The following TTC28 variants were observed in gnomAD, a reference collection of about 807,000 sequenced individuals.
The protein encoded by TTC28 is tetratricopeptide repeat protein 28.
TTC28 carries 61 observed loss-of-function variants against 198.0 expected under a neutral mutation model. The ratio of observed to expected loss-of-function variants is 0.31; its 90% CI spans 0.25 to 0.38. TTC28 has a LOEUF of 0.38. Ranked by LOEUF, TTC28 falls within the 10% of genes least tolerant of loss-of-function variation. TTC28 has a pLI of 1.00. For missense variants in TTC28, 2,678 were observed against 3,164.0 expected, an observed-to-expected ratio of 0.85 and a Z score of 3.69; for synonymous variants, 1,171 against 1,297.8, an observed-to-expected ratio of 0.90 and a Z score of 2.10.
At chr22:28,646,011 C>T (rs1423098488) in intron 1 of TTC28, among the ~76,000 whole-genome samples, 2 of 152,120 alleles carry the variant, frequency 1.3e-5, no homozygotes, top group South Asian at 2.1e-4. Context: ...GGAACTGCAA[C>T]GAGATAATGA....
chr22:28,178,461 C>G (rs1381640636), intron 5 of TTC28, among the ~76,000 whole-genome samples: 1 of 151,678 alleles, frequency 6.6e-6, no homozygotes, highest in Non-Finnish European at 1.5e-5. Flanking sequence ...GAGTGAAACT[C>G]TGTCGAGGGA....
At chr22:28,448,077 A>G (rs982360604) in intron 2 of TTC28, among the ~76,000 whole-genome samples, 2 of 152,188 alleles carry the variant, frequency 1.3e-5, no homozygotes, top group Admixed American at 6.5e-5. Flanking sequence ...AGAGCTACTA[A>G]GCCAGCATAG....
At chr22:28,475,060 G>A (rs185318695) in intron 2 of TTC28, among the ~76,000 whole-genome samples, 10 of 144,080 alleles carry the variant, frequency 6.9e-5, no homozygotes, top group Non-Finnish European at 1.3e-4. Context: ...TGAGGTGGGA[G>A]AATGGCGTGA....
intron 2 of TTC28, among the ~76,000 whole-genome samples, chr22:28,462,836 A>C (rs2047968112): frequency 6.6e-6 from 1 of 152,224 alleles, no homozygotes; most frequent in Admixed American, 6.5e-5. Flanking sequence ...CACTGGGCCC[A>C]AAAATTTTAC....
At chr22:28,453,304 G>A (rs1051275187) in intron 2 of TTC28, among the ~76,000 whole-genome samples, 2 of 152,128 alleles carry the variant, frequency 1.3e-5, no homozygotes, top group South Asian at 4.2e-4. Context: ...TTTCTTGCAT[G>A]AACATATCCA....
At chr22:28,323,419 A>G (rs1160882559) in intron 2 of TTC28, among the ~76,000 whole-genome samples, 2 of 152,230 alleles carry the variant, frequency 1.3e-5, no homozygotes, top group Non-Finnish European at 2.9e-5. Context: ...AATTTAATAA[A>G]GGGATTGAAA....
At chr22:28,485,422 T>C (rs940324624) in intron 2 of TTC28, among the ~76,000 whole-genome samples, 1 of 152,182 alleles carries the variant, frequency 6.6e-6, no homozygotes, top group African/African-American at 2.4e-5. Context: ...TAACATAAGG[T>C]ATTTGCCTAA....
intron 5 of TTC28, among the ~76,000 whole-genome samples, chr22:28,285,042 T>C (rs1298572675): frequency 7.2e-5 from 11 of 152,250 alleles, no homozygotes; most frequent in African/African-American, 2.2e-4. Context: ...GTCTGAACTC[T>C]GTTCACTGCA....
At chr22:28,198,490 C>A (rs1323827748) in intron 5 of TTC28, among the ~76,000 whole-genome samples, 1 of 152,048 alleles carries the variant, frequency 6.6e-6, no homozygotes, top group African/African-American at 2.4e-5. Flanking sequence ...AATTATGGCA[C>A]AACCATGTTA....
rs80265296 is a variant in TTC28 at position 28,542,429 on chromosome 22, T to A, written c.381+87123A>T. ...AGAAAAATTCTAAATTTGATAAACC[T>A]GTAAATCCATATATCCAAAAAGCTC... On this transcript the variant is annotated intron_variant, in intron 2 of 22. Coordinates refer to ENST00000397906, the MANE Select transcript of TTC28 (RefSeq NM_001145418.2). Among the ~76,000 whole-genome samples the A allele has an allele frequency of 7.6e-3, 1,160 of 152,250 alleles. 28 individuals carry two copies. Among genetic ancestry groups the A allele is most frequent in the East Asian group, 0.073 (376 of 5,174 alleles).
At chr22:28,434,733 C>T (rs1441516027) in intron 2 of TTC28, among the ~76,000 whole-genome samples, 1 of 152,202 alleles carries the variant, frequency 6.6e-6, no homozygotes, top group Non-Finnish European at 1.5e-5. Context: ...TCCTTCCCTA[C>T]TCCCCTCTAC....
rs186731191 is a variant in TTC28, at chr22:28,352,335, A to C, written c.382-45692T>G. On this transcript the variant is annotated intron_variant, in intron 2 of 22. Transcript: ENST00000397906. ...TACATATATATATATATATATATAT[A>C]TCTCCCGGTAAGTGCAGATGCTTGC... 1.4e-3 allele frequency among the ~76,000 whole-genome samples: 189 copies of C among 133,886 alleles called. 1 individual carries two copies. In the Middle Eastern group the frequency reaches 0.016, roughly 11 times the overall value. The allele number at this position is 133,886 out of a possible 152,430, so 87.8% of individuals were successfully genotyped here.
intron 12 of TTC28, among the ~76,000 whole-genome samples, chr22:28,052,128 G>A (rs1940111971): frequency 6.6e-6 from 1 of 152,098 alleles, no homozygotes; most frequent in Non-Finnish European, 1.5e-5. Flanking sequence ...AGTTCCCTTG[G>A]GGGTTTTATA....
intron 6 of TTC28, among the ~76,000 whole-genome samples, chr22:28,123,875 C>T (rs1222662418): frequency 3.3e-5 from 5 of 151,826 alleles, no homozygotes; most frequent in African/African-American, 9.7e-5. Context: ...CCCAGCTACT[C>T]GGGAGGCTGA....
In TTC28 at chr22:27,981,872, T is replaced by TCTC; in HGVS notation, c.*346_*348dup. 1 of 232,778 alleles carries TCTC rather than the reference T, an allele frequency of 4.3e-6. No homozygotes were observed. The highest frequency in any genetic ancestry group is 8.9e-5 in the East Asian group (1 of 11,224). 14.4% of individuals were successfully genotyped at this position (232,778 alleles called of 1,614,324 possible). On this transcript the variant is annotated 3_prime_UTR_variant, in exon 23 of 23. Coordinates refer to ENST00000397906, the MANE Select transcript of TTC28 (RefSeq NM_001145418.2). Reference sequence around the variant, plus strand: ...TTAGCAAAATATGTGCTCCCTTTCCTCTCCCCACCCCAGAACCATGATCAT... The same window carrying TCTC: ...TTAGCAAAATATGTGCTCCCTTTCCTCTCCTCCCCACCCCAGAACCATGATCAT...
chr22:28,281,610 A>C (rs1242422847), intron 5 of TTC28, among the ~76,000 whole-genome samples: 11 of 152,182 alleles, frequency 7.2e-5, no homozygotes. Context: ...AGCATGAGTT[A>C]TATTTTCCTG....
chr22:28,159,163 A>T (rs981491184), intron 6 of TTC28, among the ~76,000 whole-genome samples: 2 of 152,188 alleles, frequency 1.3e-5, no homozygotes, highest in African/African-American at 4.8e-5. Flanking sequence ...ATAAGATCTG[A>T]TCACCACAGA....
chr22:28,249,056 C>T (rs1930327180), intron 5 of TTC28, among the ~76,000 whole-genome samples: 1 of 152,032 alleles, frequency 6.6e-6, no homozygotes, highest in South Asian at 2.1e-4. Context: ...TTTATATACC[C>T]TAATAATAAT....
At chr22:28,136,546 T>C (rs1315131728) in intron 6 of TTC28, among the ~76,000 whole-genome samples, 1 of 152,220 alleles carries the variant, frequency 6.6e-6, no homozygotes, top group Non-Finnish European at 1.5e-5. Flanking sequence ...TCCTCTTCTC[T>C]AAAGCTGAAC....
Sources: gnomAD v4.1 joint callset for allele counts (sites outside exome capture counted in the v4.1 genomes callset) on GRCh38, gnomAD v4.1.1 for gene constraint, MANE v1.5 for transcripts, NCBI Gene and HGNC (gene_info 2026-07-23, HGNC 2026-07-21) for gene names.